Variants in CDKL1 observed in about 807,000 individuals in gnomAD.
CDKL1 encodes cyclin-dependent kinase-like 1.
A neutral mutation model predicts 42.0 loss-of-function variants in CDKL1; 41 were observed. The observed-to-expected ratio is 0.98, with a 90% CI of 0.76 to 1.27. The LOEUF is 1.27. Ranked by LOEUF, CDKL1 falls within the 50% of genes most tolerant of loss-of-function variation. CDKL1 has a pLI of 0.00. For missense variants in CDKL1, 394 were observed against 428.4 expected (o/e 0.92, Z 0.71); for synonymous variants, 153 against 158.6 (o/e 0.96, Z 0.26).
At chr14:50,341,498 C>T (rs1253150036) in intron 5 of CDKL1, among the ~76,000 whole-genome samples, 1 of 148,124 alleles carries the variant, frequency 6.8e-6, no homozygotes, top group Non-Finnish European at 1.5e-5. Flanking sequence ...TTTAAAGTTC[C>T]CTGGGCACAG....
intron 2 of CDKL1, among the ~76,000 whole-genome samples, chr14:50,385,798 C>A (rs1248513262): frequency 1.0e-3 from 118 of 116,120 alleles, no homozygotes; most frequent in Non-Finnish European, 1.8e-3. Context: ...AGCAAGACTC[C>A]GTCCCAAAAA....
intron 2 of CDKL1, among the ~76,000 whole-genome samples, chr14:50,387,206 T>TA (rs34024517): frequency 0.073 from 5,910 of 80,776 alleles, 359 homozygotes; most frequent in East Asian, 0.12. Context: ...GACCCTGTCT[T>TA]AAAAAAAAAA....
chr14:50,365,594 C>T (rs922880832), intron 2 of CDKL1, among the ~76,000 whole-genome samples: 6 of 152,272 alleles, frequency 3.9e-5, no homozygotes, highest in Non-Finnish European at 8.8e-5. Context: ...AGCCAGTCCC[C>T]GTCTAGCTGT....
intron 3 of CDKL1, among the ~76,000 whole-genome samples, chr14:50,357,828 T>C (rs1357019067): frequency 6.6e-6 from 1 of 152,198 alleles, no homozygotes; most frequent in Non-Finnish European, 1.5e-5. Context: ...ATTTTGTACT[T>C]TTCCCTTCCA....
intron 8 of CDKL1, chr14:50,333,864 T>C (rs904439823): frequency 6.6e-6 from 1 of 151,286 alleles, no homozygotes; most frequent in African/African-American, 2.4e-5. Flanking sequence ...ATACCTCATT[T>C]TACATAAGAG....
rs964873012 is a variant in CDKL1, at chr14:50,345,126, A to G, written c.291-68T>C. ...CATGGAATTCAGCTCAAGAAAAGAA[A>G]AAATAAACGAAGATAGGCTTTAGTA... is the stretch of plus-strand genomic sequence containing the variant. On this transcript the variant is annotated intron_variant, in intron 3 of 9. Transcript: ENST00000395834. 7 of 1,426,028 alleles carry G rather than the reference A, an allele frequency of 4.9e-6. No individual in the cohort carries two copies. In the Middle Eastern group the frequency reaches 7.1e-4, roughly 144 times the overall value. The allele number at this position is 1,426,028 out of a possible 1,614,324, so 88.3% of individuals were successfully genotyped here. A position where few individuals can be genotyped will look rare whatever the true frequency, so the allele number is the denominator to read the frequency against.
chr14:50,387,406 C>T lies in CDKL1; in HGVS notation c.168+8295G>A, dbSNP rs142359601. Among the ~76,000 whole-genome samples the T allele has an allele frequency of 3.9e-3, 592 of 152,032 alleles. 2 individuals carry two copies. Among genetic ancestry groups the T allele is most frequent in the Middle Eastern group, 0.017 (5 of 294 alleles). ...GGCATGGTAGTGGGCACCTGTAATC[C>T]CAGCTACTCAGGAGGCTGAGGCAGG... is the stretch of plus-strand genomic sequence containing the variant. On this transcript the variant is annotated intron_variant, in intron 2 of 9. Transcript: ENST00000395834.
In CDKL1 at chr14:50,332,390, G is replaced by T. The variant is rs2033001610; in HGVS notation, c.838C>A (p.Gln280Lys). The T allele has an allele frequency of 1.2e-6, 2 of 1,614,034 alleles. No homozygotes were observed. The highest frequency in any genetic ancestry group is 1.7e-6 in the Non-Finnish European group (2 of 1,180,028). ...TCAAAATATGGGTGATGCAACAGCT[G>T]TTCACATGTCAGCCTTTGAGTAGGG... ...MDPTQRLTCE[Q>K]LLHHPYFENI... is the part of the protein sequence containing the mutation. Residue 280 changes from glutamine (Q) to lysine (K), a missense_variant, in exon 9 of 10, where the codon CAG becomes AAG. Physicochemically the swap from Gln to Lys is moderately conservative, Grantham distance 53. Coordinates refer to ENST00000395834, the MANE Select transcript of CDKL1 (RefSeq NM_004196.7).
At chr14:50,339,266 T>C (rs2033421887) in intron 6 of CDKL1, among the ~76,000 whole-genome samples, 1 of 152,094 alleles carries the variant, frequency 6.6e-6, no homozygotes, top group Non-Finnish European at 1.5e-5. Flanking sequence ...GGCTACAAGC[T>C]TCTTGCTCTC....
chr14:50,358,636 C>CTTTTTTTTCTTTTTTTTTT (rs2034135163), intron 3 of CDKL1, among the ~76,000 whole-genome samples: 1 of 67,646 alleles, frequency 1.5e-5, no homozygotes, highest in Non-Finnish European at 2.8e-5. Flanking sequence ...TTTAACTAGT[C>CTTTTTTTTCTTTTTTTTTT]TTTTTTTTTT....
At chr14:50,383,571 AAC>A (rs72286602) in intron 2 of CDKL1, among the ~76,000 whole-genome samples, 114,847 of 149,400 alleles carry the variant, frequency 0.77, 44,379 homozygotes, top group African/African-American at 0.83. Flanking sequence ...AAAAACAAAC[AAC>A]AACAACAACA....
intron 2 of CDKL1, among the ~76,000 whole-genome samples, chr14:50,383,199 T>C (rs2034972368): frequency 6.6e-6 from 1 of 151,672 alleles, no homozygotes; most frequent in Non-Finnish European, 1.5e-5. Flanking sequence ...AGTGCTGGAA[T>C]TACAGGTGTG....
chr14:50,369,166 C>T (rs533995705), intron 2 of CDKL1, among the ~76,000 whole-genome samples: 72 of 152,218 alleles, frequency 4.7e-4, no homozygotes, highest in Non-Finnish European at 6.5e-4. Context: ...CACGCCCGGC[C>T]GCTACCCTTA....
At chr14:50,352,731 G>A (rs1157318817) in intron 3 of CDKL1, among the ~76,000 whole-genome samples, 10 of 152,176 alleles carry the variant, frequency 6.6e-5, no homozygotes, top group Non-Finnish European at 4.4e-5. Flanking sequence ...TGCCTTTGCC[G>A]TCTTCAGGCT....
chr14:50,380,575 A>G (rs2034874747), intron 2 of CDKL1, among the ~76,000 whole-genome samples: 1 of 152,240 alleles, frequency 6.6e-6, no homozygotes, highest in South Asian at 2.1e-4. Flanking sequence ...CTCTGTCACC[A>G]TATAATCCAC....
chr14:50,379,954 A>G (rs1364896526), intron 2 of CDKL1, among the ~76,000 whole-genome samples: 1 of 152,234 alleles, frequency 6.6e-6, no homozygotes, highest in Non-Finnish European at 1.5e-5. Flanking sequence ...TGGCACTGAT[A>G]TGTGGGGACC....
chr14:50,386,799 G>C (rs1435315747), intron 2 of CDKL1, among the ~76,000 whole-genome samples: 1 of 151,902 alleles, frequency 6.6e-6, no homozygotes, highest in Non-Finnish European at 1.5e-5. Context: ...AGTGGCTCAT[G>C]TCTGTAATCC....
chr14:50,338,944 C>T lies in CDKL1; in HGVS notation c.738+3G>A, dbSNP rs1595268727. On this transcript the variant is annotated splice_donor_region_variant and intron_variant, in intron 7 of 9. Coordinates refer to ENST00000395834, the MANE Select transcript of CDKL1 (RefSeq NM_004196.7). Reference sequence around the variant, plus strand: ...AGAGCTCTCTCCAAAATGGGTAACTCACCATATCTTCAGGGTCTGGAATTT... The same window carrying T: ...AGAGCTCTCTCCAAAATGGGTAACTTACCATATCTTCAGGGTCTGGAATTT... The T allele has an allele frequency of 2.5e-6, 4 of 1,594,672 alleles. No homozygotes were observed. Among genetic ancestry groups the T allele is most frequent in the East Asian group, 2.2e-5 (1 of 44,802 alleles).
rs779046290 is a variant in CDKL1, at chr14:50,344,468, G to GGT, written c.363+517_363+518insAC. 9.9e-5 allele frequency among the ~76,000 whole-genome samples: 13 copies of GGT among 130,872 alleles called. 2 individuals are homozygous for GGT. Among genetic ancestry groups the GGT allele is most frequent in the East Asian group, 4.4e-4 (2 of 4,532 alleles). 85.9% of individuals were successfully genotyped at this position (130,872 alleles called of 152,430 possible). On this transcript the variant is annotated intron_variant, in intron 4 of 9. Transcript: ENST00000395834. ...TATGACTAATTTTTTGTTCTTTGTG[G>GGT]TTTTTTTTTTTTTTTTTTTGAGACA...
Sources: allele counts gnomAD v4.1 joint callset (sites outside exome capture counted in the v4.1 genomes callset), GRCh38; gene constraint gnomAD v4.1.1; transcripts MANE v1.5; gene names NCBI Gene and HGNC (gene_info 2026-07-23, HGNC 2026-07-21).